The following TTPA variants were observed in gnomAD, a reference collection of about 807,000 sequenced individuals.
TTPA encodes the protein alpha tocopherol transfer protein.
TTPA carries 23 observed loss-of-function variants against 25.9 expected under a neutral mutation model. The ratio of observed to expected loss-of-function variants is 0.89; its 90% CI spans 0.64 to 1.26. The LOEUF (loss-of-function observed/expected upper bound fraction) is 1.26. Among genes scored for constraint, TTPA ranks in the 50% most tolerant of loss-of-function variants. TTPA has a pLI of 0.00. For missense variants in TTPA, 337 were observed against 353.1 expected (o/e 0.95, Z 0.37); for synonymous variants, 148 against 137.3 (o/e 1.08, Z -0.54).
At chr8:63,080,397 C>G (rs1046388878) in intron 1 of TTPA, among the ~76,000 whole-genome samples, 4 of 152,042 alleles carry the variant, frequency 2.6e-5, no homozygotes, top group African/African-American at 9.7e-5. Context: ...TTTTTTGAAA[C>G]GATCAACAAA....
At chr8:63,063,526 G>T (rs1361221976) in intron 4 of TTPA, among the ~76,000 whole-genome samples, 1 of 151,978 alleles carries the variant, frequency 6.6e-6, no homozygotes, top group Non-Finnish European at 1.5e-5. Flanking sequence ...AATTCATATG[G>T]TTACAAATCA....
chr8:63,081,162 A>G (rs1483975246), intron 1 of TTPA, among the ~76,000 whole-genome samples: 1 of 152,226 alleles, frequency 6.6e-6, no homozygotes, highest in African/African-American at 2.4e-5. Flanking sequence ...TCATCCTGAT[A>G]TCAAAGCCTG....
chr8:63,065,864 T>G, intron 3 of TTPA, 40 bp downstream of exon 3: 1 of 1,593,774 alleles, frequency 6.3e-7, no homozygotes, highest in Non-Finnish European at 8.6e-7. Context: ...AAAACTATAA[T>G]TTGGAAGTAT....
At chr8:63,067,682 T>G (rs1263569873) in intron 2 of TTPA, among the ~76,000 whole-genome samples, 1 of 152,130 alleles carries the variant, frequency 6.6e-6, no homozygotes, top group Non-Finnish European at 1.5e-5. Flanking sequence ...TGCATGATGC[T>G]GAGGTTTCAG....
At chr8:63,074,449 T>C (rs913307516) in intron 1 of TTPA, among the ~76,000 whole-genome samples, 9 of 152,038 alleles carry the variant, frequency 5.9e-5, no homozygotes, top group Non-Finnish European at 1.3e-4. Flanking sequence ...TTCTTAACTT[T>C]GAAAAAAGAG....
Position 63,060,374 on chromosome 8 carries a change from A to T in TTPA, c.*878T>A, listed in dbSNP as rs569859481. The T allele has an allele frequency of 6.6e-6, 1 of 152,310 alleles. No homozygotes were observed. The highest frequency in any genetic ancestry group is 2.1e-4 in the South Asian group (1 of 4,828). 9.4% of individuals were successfully genotyped at this position (152,310 alleles called of 1,614,324 possible). A position where few individuals can be genotyped will look rare whatever the true frequency, so the allele number is the denominator to read the frequency against. ...ATTACATCAACATGATTTCACAGAG[A>T]CCTAAAGATGCCACATAGAGTAGTA... On this transcript the variant is annotated 3_prime_UTR_variant, in exon 5 of 5. Coordinates refer to ENST00000260116, the MANE Select transcript of TTPA (RefSeq NM_000370.3).
At chr8:63,077,349 G>A (rs1356371997) in intron 1 of TTPA, among the ~76,000 whole-genome samples, 3 of 152,212 alleles carry the variant, frequency 2.0e-5, no homozygotes, top group Non-Finnish European at 4.4e-5. Flanking sequence ...GCTGAAGCAA[G>A]GCGGGGCATT....
chr8:63,070,593 A>C (rs556100353), intron 2 of TTPA, among the ~76,000 whole-genome samples: 16 of 152,126 alleles, frequency 1.1e-4, no homozygotes, highest in Non-Finnish European at 2.2e-4. Context: ...TGTTTTCTTG[A>C]TTTTCAAATC....
intron 1 of TTPA, among the ~76,000 whole-genome samples, chr8:63,075,742 A>C (rs1319938077): frequency 6.6e-6 from 1 of 151,664 alleles, no homozygotes; most frequent in African/African-American, 2.4e-5. Context: ...GCTATGAGAA[A>C]TTACACATTT....
At chr8:63,074,845 A>G (rs1805537419) in intron 1 of TTPA, among the ~76,000 whole-genome samples, 1 of 152,166 alleles carries the variant, frequency 6.6e-6, no homozygotes, top group South Asian at 2.1e-4. Context: ...ATTTAGGTTT[A>G]ATACTGGCAG....
intron 1 of TTPA, among the ~76,000 whole-genome samples, chr8:63,078,170 C>G (rs1298769123): frequency 2.0e-5 from 3 of 152,132 alleles, no homozygotes; most frequent in African/African-American, 7.2e-5. Flanking sequence ...ACACCAAAAC[C>G]CCATGTGTAG....
chr8:63,073,168 T>A (rs1409289147), intron 1 of TTPA, 80 bp from the exon 2 acceptor site: 1 of 1,200,566 alleles, frequency 8.3e-7, no homozygotes, highest in Non-Finnish European at 1.2e-6. Flanking sequence ...GCTTTGGCAT[T>A]GTGTATAAAC....
rs1418663437 is a variant in TTPA, at chr8:63,065,954, C to G, written c.502G>C (p.Ala168Pro). The change falls in exon 3 of 5, where the codon GCT becomes CCT. Residue 168 changes from alanine (A) to proline (P), a missense_variant. Transcript: ENST00000260116. ...GCTACGGATGGAGTGATTTGAAAAG[C>G]ATGAGAAAACTGCCAACCTTCCAGA... ...FDLEGWQFSHAFQITPSVAKK... is the reference protein window; with the variant it reads ...FDLEGWQFSHPFQITPSVAKK... The G allele has an allele frequency of 1.9e-6, 3 of 1,614,104 alleles. No homozygotes were observed. The highest frequency in any genetic ancestry group is 2.5e-6 in the Non-Finnish European group (3 of 1,180,008).
At chr8:63,079,959 CA>C (rs1274627178) in intron 1 of TTPA, among the ~76,000 whole-genome samples, 1 of 152,096 alleles carries the variant, frequency 6.6e-6, no homozygotes, top group Admixed American at 6.6e-5. Context: ...AAAGAAATCA[CA>C]ACAAACTGTC....
intron 4 of TTPA, among the ~76,000 whole-genome samples, chr8:63,061,976 G>A (rs1805313749): frequency 1.3e-5 from 2 of 152,280 alleles, no homozygotes; most frequent in African/African-American, 2.4e-5. Context: ...GCCAAGGCAG[G>A]TGGATTACTT....
chr8:63,081,441 G>A (rs908343363), intron 1 of TTPA, among the ~76,000 whole-genome samples: 2 of 152,096 alleles, frequency 1.3e-5, no homozygotes, highest in African/African-American at 4.8e-5. Context: ...AAATTCAACA[G>A]CCCTTCATGC....
chr8:63,070,028 C>T (rs1805459651), intron 2 of TTPA, among the ~76,000 whole-genome samples: 2 of 152,056 alleles, frequency 1.3e-5, no homozygotes, highest in African/African-American at 4.8e-5. Flanking sequence ...TTACAGCAAC[C>T]CTATGTGACA....
chr8:63,069,958 T>G (rs995862847), intron 2 of TTPA, among the ~76,000 whole-genome samples: 1 of 152,228 alleles, frequency 6.6e-6, no homozygotes, highest in African/African-American at 2.4e-5. Flanking sequence ...AGTGCTTTTA[T>G]GTACCAGGTA....
Position 63,064,204 on chromosome 8 carries a change from A to G in TTPA, c.663+2T>C. On this transcript the variant is annotated splice_donor_variant, in intron 4 of 4. Coordinates refer to ENST00000260116, the MANE Select transcript of TTPA (RefSeq NM_000370.3). LOFTEE classifies it high-confidence loss of function. ...ACACAGACTTGAATATATTTTACTC[A>G]CCCGTTCCTTAATTTTTTCAGTCAG... 6.2e-7 allele frequency: 1 copy of G among 1,603,890 alleles called. No homozygotes were observed. Among genetic ancestry groups the G allele is most frequent in the Non-Finnish European group, 8.5e-7 (1 of 1,171,602 alleles).
Sources: allele counts gnomAD v4.1 joint callset (sites outside exome capture counted in the v4.1 genomes callset), GRCh38; gene constraint gnomAD v4.1.1; transcripts MANE v1.5; gene names NCBI Gene and HGNC (gene_info 2026-07-23, HGNC 2026-07-21).